Variants in NBAS observed in about 807,000 individuals in gnomAD.
NBAS encodes the protein NBAS subunit of NRZ tethering complex.
NBAS carries 219 observed loss-of-function variants against 302.5 expected under a neutral mutation model. That is an observed-to-expected ratio of 0.72 (90% CI 0.65 to 0.81). The LOEUF (loss-of-function observed/expected upper bound fraction) is 0.81, where lower values mean the gene tolerates loss of function less well. Ranked by LOEUF, NBAS falls within the 30% of genes least tolerant of loss-of-function variation. The pLI is 0.00. For missense variants in NBAS, 2,932 were observed against 2,841.6 expected, an observed-to-expected ratio of 1.03 and a Z score of -0.72; for synonymous variants, 1,118 against 1,021.6, an observed-to-expected ratio of 1.09 and a Z score of -1.80.
At chr2:15,327,147 C>G (rs892732729) in intron 38 of NBAS, among the ~76,000 whole-genome samples, 1 of 152,208 alleles carries the variant, frequency 6.6e-6, no homozygotes, top group African/African-American at 2.4e-5. Flanking sequence ...TCGCTGACAT[C>G]TGAAATATAG....
At chr2:14,911,835 C>T in the NBAS span, among the ~76,000 whole-genome samples, 11 of 152,288 alleles carry the variant, frequency 7.2e-5, no homozygotes, top group Middle Eastern at 3.4e-3. Context: ...TCAGTTTCCC[C>T]ACCTGTAAAA....
At chr2:15,494,027 T>C (rs1232344132) in intron 11 of NBAS, among the ~76,000 whole-genome samples, 1 of 152,254 alleles carries the variant, frequency 6.6e-6, no homozygotes, top group Non-Finnish European at 1.5e-5. Context: ...GGTTTCACCA[T>C]GTTGGCCAAG....
At chr2:15,427,858 G>A in intron 21 of NBAS, 64 bp from the exon 22 acceptor site, 1 of 1,245,286 alleles carries the variant, frequency 8.0e-7, no homozygotes, top group Non-Finnish European at 1.2e-6. Flanking sequence ...GCCACACAAG[G>A]AGTAAAATGC....
chr2:15,321,078 AG>A (rs1366129219), intron 38 of NBAS, among the ~76,000 whole-genome samples: 3 of 152,230 alleles, frequency 2.0e-5, no homozygotes, highest in African/African-American at 7.2e-5. Context: ...CAGAGCCCTC[AG>A]AAATAACACC....
chr2:15,452,385 G>T (rs1171324650), intron 21 of NBAS, among the ~76,000 whole-genome samples: 1 of 151,968 alleles, frequency 6.6e-6, no homozygotes, highest in East Asian at 1.9e-4. Flanking sequence ...CTCAAGGTCA[G>T]GAGATCAAGA....
intron 31 of NBAS, among the ~76,000 whole-genome samples, chr2:15,372,540 T>G (rs1007976856): frequency 6.6e-6 from 1 of 152,154 alleles, no homozygotes; most frequent in Non-Finnish European, 1.5e-5. Flanking sequence ...ATATTACTGA[T>G]GAATACAAAA....
chr2:14,792,238 G>T, the NBAS span, among the ~76,000 whole-genome samples: 1 of 152,152 alleles, frequency 6.6e-6, no homozygotes. Context: ...TTACAATGGG[G>T]TTATATCCTG....
At position 15,554,569 on chromosome 2, in the gene NBAS, G is replaced by A. The variant is rs77178292; in HGVS notation, c.210-431C>T. Among the ~76,000 whole-genome samples, 701 of 149,720 alleles carry A rather than the reference G, an allele frequency of 4.7e-3. 9 individuals are homozygous for A. The highest frequency in any genetic ancestry group is 0.016 in the African/African-American group (652 of 40,474). On this transcript the variant is annotated intron_variant, in intron 3 of 51. Transcript: ENST00000281513. ...AAAAAGTCACTGAAAGCTAGAATTG[G>A]GCACAGGGTAAAGAGAGAGATAAGA...
the NBAS span, among the ~76,000 whole-genome samples, chr2:14,953,153 G>A: frequency 3.9e-5 from 6 of 152,318 alleles, no homozygotes; most frequent in East Asian, 7.7e-4. Context: ...CTGTGAGATG[G>A]AGCTGGAGGG....
At position 15,330,617 on chromosome 2, in the gene NBAS, G is replaced by A. The variant is rs990084932; in HGVS notation, c.4328C>T (p.Thr1443Ile). The change falls in exon 36 of 52, where the codon ACT becomes ATT. Residue 1443 changes from threonine (T) to isoleucine (I), a missense_variant. By Grantham distance (89) the Thr-to-Ile change is moderately conservative. Coordinates refer to ENST00000281513, the MANE Select transcript of NBAS (RefSeq NM_015909.4). ...SDGQWWKKSL[T>I]YLRPLQGQKC... ...GCTTACCTGAAGGGGTCGAAGGTAAGTTAAAGACTTCTTCCACCACTGCCC... is the reference window on the plus strand; with the variant it reads ...GCTTACCTGAAGGGGTCGAAGGTAAATTAAAGACTTCTTCCACCACTGCCC... 1.9e-6 allele frequency: 3 copies of A among 1,613,964 alleles called. No individual in the cohort carries two copies. The highest frequency in any genetic ancestry group is 2.5e-6 in the Non-Finnish European group (3 of 1,179,908).
At chr2:14,980,323 C>A in the NBAS span, among the ~76,000 whole-genome samples, 1 of 152,022 alleles carries the variant, frequency 6.6e-6, no homozygotes, top group Non-Finnish European at 1.5e-5. Flanking sequence ...GGAACTAAAT[C>A]ATTAAGCCTT....
the NBAS span, among the ~76,000 whole-genome samples, chr2:15,084,342 C>T: frequency 5.3e-5 from 8 of 152,168 alleles, no homozygotes; most frequent in Non-Finnish European, 8.8e-5. Flanking sequence ...GTATTACAGG[C>T]GTAAGCCACA....
intron 30 of NBAS, among the ~76,000 whole-genome samples, chr2:15,379,190 C>G (rs1482281101): frequency 1.0e-5 from 1 of 95,260 alleles, no homozygotes; most frequent in Non-Finnish European, 2.6e-5. Context: ...TCCCTTGTCT[C>G]TCTCTCTTTT....
At chr2:15,088,916 C>G in the NBAS span, among the ~76,000 whole-genome samples, 2 of 152,154 alleles carry the variant, frequency 1.3e-5, no homozygotes, top group Admixed American at 6.5e-5. Flanking sequence ...GTAATTCAGA[C>G]AGGGCTGTCT....
At chr2:14,880,817 C>A in the NBAS span, among the ~76,000 whole-genome samples, 49 of 151,770 alleles carry the variant, frequency 3.2e-4, 1 homozygote, top group Non-Finnish European at 2.9e-4. Context: ...AAAAGACCTA[C>A]AATGTACCTT....
chr2:15,548,774 G>A (rs997377839), intron 6 of NBAS, among the ~76,000 whole-genome samples: 14 of 151,684 alleles, frequency 9.2e-5, no homozygotes, highest in Admixed American at 7.3e-4. Flanking sequence ...GAGGAGAGCC[G>A]ATGCTTGATC....
At chr2:15,352,931 CATCTGATGGTCGCCTGACTT>C (rs1673435509) in intron 34 of NBAS, among the ~76,000 whole-genome samples, 1 of 152,100 alleles carries the variant, frequency 6.6e-6, no homozygotes, top group Admixed American at 6.5e-5. Flanking sequence ...CTGCCTGACC[CATCTGATGGTCGCCTGACTT>C]TCCTGGTGGG....
intron 31 of NBAS, among the ~76,000 whole-genome samples, chr2:15,371,645 G>C (rs554024463): frequency 7.0e-4 from 106 of 152,262 alleles, no homozygotes; most frequent in African/African-American, 2.1e-3. Flanking sequence ...ATGACACTCT[G>C]GGGTAATCCT....
At chr2:15,331,779 A>G (rs1003673403) in intron 35 of NBAS, among the ~76,000 whole-genome samples, 3 of 152,228 alleles carry the variant, frequency 2.0e-5, no homozygotes, top group Non-Finnish European at 2.9e-5. Flanking sequence ...TGGGCCCCCA[A>G]TGATAGCCAT....
Sources: allele counts gnomAD v4.1 joint callset (sites outside exome capture counted in the v4.1 genomes callset), GRCh38; gene constraint gnomAD v4.1.1; transcripts MANE v1.5; gene names NCBI Gene and HGNC (gene_info 2026-07-23, HGNC 2026-07-21).